Variants in RYR1 observed in about 807,000 individuals in gnomAD.
RYR1 encodes ryanodine receptor 1.
Under a neutral mutation model 583.5 loss-of-function variants are expected in RYR1, and 342 were observed. The ratio of observed to expected loss-of-function variants is 0.59; its 90% CI spans 0.54 to 0.64. RYR1 has a LOEUF of 0.64. Ranked by LOEUF, RYR1 falls within the 30% of genes least tolerant of loss-of-function variation. The probability of loss-of-function intolerance (pLI) is 0.00; values close to 1 mark genes in which losing one functional copy is unlikely to be tolerated. For synonymous variants in RYR1, 2,791 were observed against 2,822.5 expected (o/e 0.99, Z 0.35); for missense variants, 6,032 against 6,917.2 (o/e 0.87, Z 4.54).
In RYR1 at chr19:38,494,622, TC is replaced by T; in HGVS notation, c.6546del (p.Ile2182MetfsTer5). On this transcript the variant is annotated frameshift_variant and splice_region_variant, in exon 39 of 106. Coordinates refer to ENST00000359596, the MANE Select transcript of RYR1 (RefSeq NM_000540.3). LOFTEE classifies it high-confidence loss of function. Reference sequence around the variant, plus strand: ...GAGGAGAACCTCATGATCCAGAGCATCGGGTGAGACACCGCCCTTCCCCCTT... The same window carrying T: ...GAGGAGAACCTCATGATCCAGAGCATGGGTGAGACACCGCCCTTCCCCCTT... ...PQEENLMIQS[I>X]GNIMNNKVFY... The T allele has an allele frequency of 6.2e-7, 1 of 1,614,048 alleles. No individual in the cohort carries two copies. Among genetic ancestry groups the T allele is most frequent in the Non-Finnish European group, 8.5e-7 (1 of 1,180,022 alleles).
At chr19:38,445,918 C>T (rs1016936271) in intron 7 of RYR1, among the ~76,000 whole-genome samples, 2 of 152,160 alleles carry the variant, frequency 1.3e-5, no homozygotes, top group African/African-American at 2.4e-5. Context: ...ATCTGGGAGG[C>T]AGAGGTTGCA....
intron 90 of RYR1, among the ~76,000 whole-genome samples, chr19:38,564,257 C>T (rs560247636): frequency 5.3e-5 from 8 of 152,294 alleles, no homozygotes; most frequent in African/African-American, 1.9e-4. Context: ...GTCATGGTGG[C>T]TTATGCCTGT....
Position 38,438,616 on chromosome 19 carries a change from C to CTTTTTTTTTTTTTT in RYR1, c.46-2122_46-2109dup, listed in dbSNP as rs71165544. On this transcript the variant is annotated intron_variant, in intron 1 of 105. Transcript: ENST00000359596. Reference sequence around the variant, plus strand: ...CATTATGTATATTGCCCAGGCTAGTCTTTTTTTTTTTTTTTTTTTTGAGAT... The same window carrying CTTTTTTTTTTTTTT: ...CATTATGTATATTGCCCAGGCTAGTCTTTTTTTTTTTTTTTTTTTTTTTTTTTTTTTTTTGAGAT... Among the ~76,000 whole-genome samples, 2 of 93,964 alleles carry CTTTTTTTTTTTTTT rather than the reference C, an allele frequency of 2.1e-5. 1 individual carries two copies. Among genetic ancestry groups the CTTTTTTTTTTTTTT allele is most frequent in the Non-Finnish European group, 3.8e-5 (2 of 52,004 alleles). The allele number at this position is 93,964 out of a possible 152,430, so 61.6% of individuals were successfully genotyped here.
chr19:38,448,236 A>G lies in RYR1; in HGVS notation c.801-119A>G. On this transcript the variant is annotated intron_variant, in intron 9 of 105. Transcript: ENST00000359596. Reference sequence around the variant, plus strand: ...TGCTTGAGCCCTGGAGTTCAAGATCAGCTTGGGCAACATAGCAAGACCTGG... The same window carrying G: ...TGCTTGAGCCCTGGAGTTCAAGATCGGCTTGGGCAACATAGCAAGACCTGG... The G allele has an allele frequency of 2.6e-6, 3 of 1,156,230 alleles. No homozygotes were observed. The South Asian group carries it at 4.4e-5, about 17-fold the overall frequency. 71.6% of individuals were successfully genotyped at this position (1,156,230 alleles called of 1,614,324 possible).
At chr19:38,465,431 G>A (rs576971358) in intron 23 of RYR1, among the ~76,000 whole-genome samples, 2 of 152,008 alleles carry the variant, frequency 1.3e-5, no homozygotes, top group Admixed American at 6.6e-5. Flanking sequence ...TTGCACCACC[G>A]CACTCCAGCC....
intron 97 of RYR1, 126 bp downstream of exon 97, chr19:38,576,087 G>A: frequency 3.0e-6 from 3 of 1,011,686 alleles, no homozygotes; most frequent in Admixed American, 1.8e-5. Flanking sequence ...TTTCTGAGTA[G>A]CACCTCAGTT....
intron 90 of RYR1, among the ~76,000 whole-genome samples, chr19:38,562,313 A>C (rs1160259776): frequency 1.3e-5 from 2 of 151,796 alleles, no homozygotes; most frequent in African/African-American, 2.4e-5. Flanking sequence ...CCAAGGGTAC[A>C]CTCACGTGGT....
Position 38,500,895 on chromosome 19 carries a change from G to T in RYR1, c.7519G>T (p.Asp2507Tyr), listed in dbSNP as rs1399665262. The change falls in exon 47 of 106, where the codon GAC becomes TAC. Residue 2507 changes from aspartate (D) to tyrosine (Y), a missense_variant. Asp to Tyr is a radical substitution (Grantham distance 160). Coordinates refer to ENST00000359596, the MANE Select transcript of RYR1 (RefSeq NM_000540.3). This position sits in a 1 kb window ranked among gnomAD's most constrained non-coding sequence, Gnocchi z 5.9. ...DHKASMVLFL[D>Y]RVYGIENQDF... ...CAAGGCGTCCATGGTGCTCTTCCTG[G>T]ACCGTGTGTATGGCATCGAGAACCA... 6.2e-7 allele frequency: 1 copy of T among 1,614,136 alleles called. No homozygotes were observed. Among genetic ancestry groups the T allele is most frequent in the South Asian group, 1.1e-5 (1 of 91,084 alleles).
rs767704607 is a variant in RYR1, at chr19:38,510,749, C to A, written c.9090C>A (p.His3030Gln). 1 of 1,614,202 alleles carries A rather than the reference C, an allele frequency of 6.2e-7. No homozygotes were observed. The highest frequency in any genetic ancestry group is 1.1e-5 in the South Asian group (1 of 91,084). Residue 3030 changes from histidine (H) to glutamine (Q), a missense_variant, in exon 60 of 106, where the codon CAC (histidine) becomes CAA (glutamine). Physicochemically the swap from His to Gln is conservative, Grantham distance 24 (BLOSUM62 0). Coordinates refer to ENST00000359596, the MANE Select transcript of RYR1 (RefSeq NM_000540.3). The part of the protein sequence containing the change: ...TPAKVLGSGG[H>Q]ASNKEKEMIT... The stretch of plus-strand genomic sequence containing the variant: ...CTAAAGTGCTGGGCAGCGGTGGCCA[C>A]GCCTCTAACAAGGAGAAGGAAATGA...
chr19:38,517,639 C>T lies in RYR1; in HGVS notation c.9966C>T (p.Ile3322=). ...CCCTGCTGGGGAATATCCTGAGAAT[C>T]ATCGTCAACAACCTGGGCATTGACG... ...LNSLLGNILR[I]IVNNLGIDEA... The change falls in exon 66 of 106, where the codon ATC becomes ATT. Residue 3322 remains isoleucine (I), a synonymous_variant. Coordinates refer to ENST00000359596, the MANE Select transcript of RYR1 (RefSeq NM_000540.3). 1 of 1,614,220 alleles carries T rather than the reference C, an allele frequency of 6.2e-7. No homozygotes were observed. Among genetic ancestry groups the T allele is most frequent in the Non-Finnish European group, 8.5e-7 (1 of 1,180,044 alleles).
In RYR1 at chr19:38,527,019, A is replaced by G. The variant is rs1450272687; in HGVS notation, c.10653A>G (p.Glu3551=). The change falls in exon 72 of 106, where the codon GAA becomes GAG. Residue 3551 remains glutamate, a synonymous_variant. Transcript: ENST00000359596. ...ALKDTDEEVR[E]FLHNNLHLQG... ...AAGACACAGATGAGGAGGTCCGGGA[A>G]TTTCTGCACAACAACCTTCACCTTC... 6.2e-7 allele frequency: 1 copy of G among 1,613,994 alleles called. No individual in the cohort carries two copies. Among genetic ancestry groups the G allele is most frequent in the African/African-American group, 1.3e-5 (1 of 75,042 alleles).
At chr19:38,578,310 A>G in intron 99 of RYR1, 106 bp downstream of exon 99, 5 of 1,145,638 alleles carry the variant, frequency 4.4e-6, no homozygotes, top group Non-Finnish European at 6.4e-6. Flanking sequence ...TGGGACCCTG[A>G]GTGGCTGTGA....
At chr19:38,470,918 C>A (rs1261706452) in intron 27 of RYR1, among the ~76,000 whole-genome samples, 1 of 152,148 alleles carries the variant, frequency 6.6e-6, no homozygotes, top group African/African-American at 2.4e-5. Context: ...GCAGAGTGGA[C>A]GCAGAGTTCC....
At chr19:38,494,876 TGA>T (rs1969742065) in intron 39 of RYR1, among the ~76,000 whole-genome samples, 1 of 133,544 alleles carries the variant, frequency 7.5e-6, no homozygotes, top group South Asian at 2.8e-4. Context: ...TTTGTGAGAC[TGA>T]GTCTCACTCT....
intron 47 of RYR1, among the ~76,000 whole-genome samples, chr19:38,502,089 C>T (rs1600829593): frequency 6.6e-6 from 1 of 151,206 alleles, no homozygotes; most frequent in African/African-American, 2.4e-5. Flanking sequence ...CCCAGGAATT[C>T]GAGGCTGCAG....
At chr19:38,573,347 G>A (rs1599651633) in intron 96 of RYR1, 40 bp downstream of exon 96, 4 of 1,606,680 alleles carry the variant, frequency 2.5e-6, no homozygotes, top group East Asian at 4.5e-5. Flanking sequence ...CAGCAGGAGG[G>A]GACCTGGGTT....
chr19:38,502,801 G>GGGCAGC, intron 48 of RYR1, 74 bp downstream of exon 48: 1 of 1,075,640 alleles, frequency 9.3e-7, no homozygotes, highest in South Asian at 1.8e-5. Flanking sequence ...GCAGGGGCAG[G>GGGCAGC]GGCAGGGGGA....
intron 67 of RYR1, 28 bp downstream of exon 67, chr19:38,519,482 C>T: frequency 1.9e-6 from 3 of 1,574,014 alleles, no homozygotes; most frequent in Non-Finnish European, 2.6e-6. Context: ...GTCCCCATGC[C>T]CTCCGCCCCG....
chr19:38,481,678 C>T (rs974844700), intron 31 of RYR1, among the ~76,000 whole-genome samples: 2 of 152,154 alleles, frequency 1.3e-5, no homozygotes, highest in Non-Finnish European at 2.9e-5. Flanking sequence ...TCCAGCTACC[C>T]TGGAGGCTGA....
Sources: allele counts gnomAD v4.1 joint callset (sites outside exome capture counted in the v4.1 genomes callset), GRCh38; gene constraint gnomAD v4.1.1; non-coding constraint Gnocchi (gnomAD v3.1); transcripts MANE v1.5; gene names NCBI Gene and HGNC (gene_info 2026-07-23, HGNC 2026-07-21).